MAP3K21: variants seen among roughly 807,000 people sequenced by gnomAD.
MAP3K21 encodes mitogen-activated protein kinase kinase kinase MLK4.
A neutral mutation model predicts 86.1 loss-of-function variants in MAP3K21; 63 were observed. The ratio of observed to expected loss-of-function variants is 0.73; its 90% CI spans 0.60 to 0.90. MAP3K21 has a LOEUF of 0.90. MAP3K21 is among the 40% of genes least tolerant of loss of function. The pLI is 0.00. For missense variants in MAP3K21, 1,220 were observed against 1,367.7 expected (o/e 0.89, Z 1.70); for synonymous variants, 558 against 564.8 (o/e 0.99, Z 0.17).
chr1:233,372,242 G>A (rs1663699949), intron 6 of MAP3K21, 82 bp downstream of exon 6: 1 of 1,543,426 alleles, frequency 6.5e-7, no homozygotes. Context: ...GAGCAGATGT[G>A]TTTTCATAGC....
In MAP3K21 at chr1:233,385,027, C is replaced by T. The variant is rs1663981043; in HGVS notation, c.*2316C>T. 6.6e-6 allele frequency: 1 copy of T among 152,226 alleles called. No individual in the cohort carries two copies. The highest frequency in any genetic ancestry group is 2.4e-5 in the African/African-American group (1 of 41,446). The allele number at this position is 152,226 out of a possible 1,614,324, so 9.4% of individuals were successfully genotyped here. ...TTAGTAAAAAATTAAGGTACTCTCA[C>T]TGCAGAGATTTAAGGCCTGGGCCTA... is the stretch of plus-strand genomic sequence containing the variant. On this transcript the variant is annotated 3_prime_UTR_variant, in exon 10 of 10. Transcript: ENST00000366624.
chr1:233,333,597 TA>T (rs11399728), intron 1 of MAP3K21, among the ~76,000 whole-genome samples: 1,989 of 149,870 alleles, frequency 0.013, 24 homozygotes, highest in Middle Eastern at 0.024. Flanking sequence ...ATATTAAAAT[TA>T]AAAAAAAAAA....
At chr1:233,348,467 G>A (rs1663189703) in intron 2 of MAP3K21, among the ~76,000 whole-genome samples, 1 of 152,246 alleles carries the variant, frequency 6.6e-6, no homozygotes, top group Admixed American at 6.5e-5. Context: ...ATTTTTGTGA[G>A]AACGTGTGTT....
chr1:233,354,028 G>GA (rs1663301763), intron 3 of MAP3K21, 73 bp downstream of exon 3: 1 of 1,357,750 alleles, frequency 7.4e-7, no homozygotes, highest in Non-Finnish European at 9.6e-7. Flanking sequence ...TTAAAAAACA[G>GA]AAAAAGCATT....
At chr1:233,362,029 G>C in intron 4 of MAP3K21, 24 bp from the exon 5 acceptor site, 1 of 1,606,140 alleles carries the variant, frequency 6.2e-7, no homozygotes. Flanking sequence ...GAATGATTCC[G>C]GTGGGTGTGA....
At chr1:233,378,785 T>G (rs1663847113) in intron 8 of MAP3K21, 146 bp from the exon 9 acceptor site, 1 of 653,030 alleles carries the variant, frequency 1.5e-6, no homozygotes, top group Non-Finnish European at 2.6e-6. Flanking sequence ...CCCTCCTGGA[T>G]GAATCATTTG....
In MAP3K21 at chr1:233,362,083, C is replaced by G; in HGVS notation, c.1342C>G (p.Arg448Gly). Residue 448 changes from arginine (R) to glycine (G), a missense_variant, in exon 5 of 10, where the codon CGG (arginine) becomes GGG (glycine). Transcript: ENST00000366624. Reference sequence around the variant, plus strand: ...GCGATCCCGGGAAGAGGAGCTGACTCGGGCGGCTCTGCAGCAGAAGTCTCA... The same window carrying G: ...GCGATCCCGGGAAGAGGAGCTGACTGGGGCGGCTCTGCAGCAGAAGTCTCA... ...ELRSREEELT[R>G]AALQQKSQEE... The G allele has an allele frequency of 1.2e-6, 2 of 1,612,758 alleles. No homozygotes were observed. The highest frequency in any genetic ancestry group is 1.7e-6 in the Non-Finnish European group (2 of 1,179,428).
In MAP3K21 at chr1:233,328,454, C is replaced by T; in HGVS notation, c.426C>T (p.Thr142=). 1 of 1,496,598 alleles carries T rather than the reference C, an allele frequency of 6.7e-7. No homozygotes were observed. The highest frequency in any genetic ancestry group is 2.8e-5 in the East Asian group (1 of 35,778). The allele number at this position is 1,496,598 out of a possible 1,614,324, so 92.7% of individuals were successfully genotyped here. The change falls in exon 1 of 10, where the codon ACC becomes ACT. Residue 142 remains threonine, a synonymous_variant. Coordinates refer to ENST00000366624, the MANE Select transcript of MAP3K21 (RefSeq NM_032435.3). This position sits in a 1 kb window ranked among gnomAD's most constrained non-coding sequence, Gnocchi z 8.7. ...AGGFGQVYRA[T]WQGQEVAVKA... The stretch of plus-strand genomic sequence containing the variant: ...GCTTCGGGCAGGTGTACCGCGCCAC[C>T]TGGCAGGGCCAGGAGGTGGCCGTGA...
At chr1:233,353,746 G>T in intron 2 of MAP3K21, 61 bp from the exon 3 acceptor site, 1 of 1,411,970 alleles carries the variant, frequency 7.1e-7, no homozygotes, top group Non-Finnish European at 9.4e-7. Flanking sequence ...ATCTCACTAA[G>T]TGTGTCATAA....
chr1:233,353,985 G>T (rs762173754), intron 3 of MAP3K21, 30 bp downstream of exon 3: 2 of 1,434,118 alleles, frequency 1.4e-6, no homozygotes, highest in African/African-American at 1.4e-5. Context: ...GTGTCTTTGT[G>T]GGGGCAAGAA....
At chr1:233,335,435 A>T (rs1294290) in intron 1 of MAP3K21, among the ~76,000 whole-genome samples, 5 of 151,866 alleles carry the variant, frequency 3.3e-5, no homozygotes, top group Non-Finnish European at 7.4e-5. Context: ...ACATTTATTT[A>T]GGGCATATTA....
intron 5 of MAP3K21, among the ~76,000 whole-genome samples, chr1:233,363,733 A>G (rs1332395406): frequency 6.7e-6 from 1 of 149,074 alleles, no homozygotes; most frequent in Non-Finnish European, 1.5e-5. Context: ...AAGGCTGGGC[A>G]TGGTGGCTCA....
chr1:233,362,264 A>G lies in MAP3K21; in HGVS notation c.1523A>G (p.Lys508Arg), dbSNP rs1166565900. Residue 508 changes from lysine to arginine, a missense_variant, in exon 5 of 10, where the codon AAA becomes AGA. Physicochemically the swap from Lys to Arg is conservative, Grantham distance 26 (BLOSUM62 2). Transcript: ENST00000366624. ...GKFKRSRLKL[K>R]DGHRISLPSD... is the part of the protein sequence containing the mutation. ...TTTAAGAGAAGTCGTTTAAAGCTCA[A>G]AGATGGACATCGAATCAGTTTACCT... 6.2e-7 allele frequency: 1 copy of G among 1,614,246 alleles called. No homozygotes were observed. Among genetic ancestry groups the G allele is most frequent in the East Asian group, 2.2e-5 (1 of 44,888 alleles).
intron 2 of MAP3K21, among the ~76,000 whole-genome samples, chr1:233,349,355 A>G (rs1663205208): frequency 6.6e-6 from 1 of 152,208 alleles, no homozygotes; most frequent in Non-Finnish European, 1.5e-5. Flanking sequence ...TCGTAAATCA[A>G]TTACATTCAA....
intron 1 of MAP3K21, among the ~76,000 whole-genome samples, chr1:233,340,580 G>A (rs1663023314): frequency 6.6e-6 from 1 of 152,026 alleles, no homozygotes; most frequent in Non-Finnish European, 1.5e-5. Context: ...GTATGTGTCC[G>A]GGGTGGGAGT....
At chr1:233,359,679 G>C (rs1376701075) in intron 4 of MAP3K21, among the ~76,000 whole-genome samples, 1 of 152,180 alleles carries the variant, frequency 6.6e-6, no homozygotes, top group African/African-American at 2.4e-5. Flanking sequence ...CCCCCACACA[G>C]AGGCATGCCA....
chr1:233,378,788 A>G (rs1663847249), intron 8 of MAP3K21, 143 bp from the exon 9 acceptor site: 1 of 663,194 alleles, frequency 1.5e-6, no homozygotes, highest in Non-Finnish European at 2.5e-6. Flanking sequence ...TCCTGGATGA[A>G]TCATTTGCAG....
Position 233,382,759 on chromosome 1 carries a change from G to T in MAP3K21, c.*48G>T. The T allele has an allele frequency of 6.7e-7, 1 of 1,503,598 alleles. No homozygotes were observed. The highest frequency in any genetic ancestry group is 1.2e-5 in the South Asian group (1 of 82,954). 93.1% of individuals were successfully genotyped at this position (1,503,598 alleles called of 1,614,324 possible). On this transcript the variant is annotated 3_prime_UTR_variant, in exon 10 of 10. Coordinates refer to ENST00000366624, the MANE Select transcript of MAP3K21 (RefSeq NM_032435.3). ...AAGCATTTTTTTAAGGTGAACAAAT[G>T]AACACAATGTATCTACCTTTGAACT...
chr1:233,356,662 G>A (rs1572248425), intron 4 of MAP3K21, among the ~76,000 whole-genome samples: 3 of 152,216 alleles, frequency 2.0e-5, no homozygotes, highest in Non-Finnish European at 2.9e-5. Context: ...GGCATCATTT[G>A]TAATAGTGCA....
Sources: gnomAD v4.1 joint callset for allele counts (sites outside exome capture counted in the v4.1 genomes callset) on GRCh38, gnomAD v4.1.1 for gene constraint, Gnocchi (gnomAD v3.1) non-coding constraint, MANE v1.5 for transcripts, NCBI Gene and HGNC (gene_info 2026-07-23, HGNC 2026-07-21) for gene names.